The following AKAP6 variants were observed in gnomAD, a reference collection of about 807,000 sequenced individuals.
AKAP6 encodes A-kinase anchoring protein 6.
AKAP6 carries 58 observed loss-of-function variants against 188.5 expected under a neutral mutation model. The ratio of observed to expected loss-of-function variants is 0.31; its 90% CI spans 0.25 to 0.38. AKAP6 has a LOEUF of 0.38. Among genes scored for constraint, AKAP6 ranks in the 10% least tolerant of loss-of-function variants. AKAP6 has a pLI of 1.00. For synonymous variants in AKAP6, 989 were observed against 998.6 expected (o/e 0.99, Z 0.18); for missense variants, 2,710 against 2,740.0 (o/e 0.99, Z 0.24).
intron 4 of AKAP6, among the ~76,000 whole-genome samples, chr14:32,571,946 G>C (rs1294658431): frequency 6.6e-6 from 1 of 152,126 alleles, no homozygotes; most frequent in Non-Finnish European, 1.5e-5. Flanking sequence ...AAAAATAAAT[G>C]TGTTTCTTGT....
intron 5 of AKAP6, among the ~76,000 whole-genome samples, chr14:32,581,149 G>A (rs1406282980): frequency 3.9e-5 from 6 of 152,124 alleles, no homozygotes; most frequent in Non-Finnish European, 7.4e-5. Flanking sequence ...CAATGGTTGA[G>A]CTAGTTTACA....
intron 2 of AKAP6, among the ~76,000 whole-genome samples, chr14:32,464,526 C>T (rs936953534): frequency 2.0e-5 from 3 of 152,096 alleles, no homozygotes; most frequent in Middle Eastern, 3.2e-3. Context: ...GCAGAAAAGG[C>T]CTTTGATAAA....
At chr14:32,485,446 C>G (rs147609302) in intron 2 of AKAP6, among the ~76,000 whole-genome samples, 4,413 of 152,168 alleles carry the variant, frequency 0.029, 82 homozygotes, top group Non-Finnish European at 0.04. Flanking sequence ...AAAAGCATTC[C>G]TATTTCTCCA....
chr14:32,723,532 AAT>A (rs1222029974), intron 9 of AKAP6, among the ~76,000 whole-genome samples: 5 of 147,052 alleles, frequency 3.4e-5, no homozygotes, highest in Non-Finnish European at 7.4e-5. Context: ...GACTTCACAT[AAT>A]ATATATATGT....
chr14:32,454,411 A>G (rs1251632858), intron 2 of AKAP6, among the ~76,000 whole-genome samples: 2 of 152,170 alleles, frequency 1.3e-5, no homozygotes, highest in Admixed American at 6.5e-5. Flanking sequence ...GTCCTTCTAT[A>G]GCAAGGCTCG....
At chr14:32,662,795 G>T (rs1162039704) in intron 7 of AKAP6, among the ~76,000 whole-genome samples, 2 of 152,094 alleles carry the variant, frequency 1.3e-5, no homozygotes, top group Non-Finnish European at 2.9e-5. Context: ...AAGAGTTTTA[G>T]AATACATTGA....
intron 4 of AKAP6, among the ~76,000 whole-genome samples, chr14:32,565,308 GA>G (rs1170691182): frequency 6.6e-6 from 1 of 152,050 alleles, no homozygotes; most frequent in Non-Finnish European, 1.5e-5. Flanking sequence ...AATGCTTCAA[GA>G]AAAACTGGAA....
intron 9 of AKAP6, among the ~76,000 whole-genome samples, chr14:32,716,999 A>G (rs1177578662): frequency 6.6e-6 from 1 of 152,142 alleles, no homozygotes; most frequent in African/African-American, 2.4e-5. Context: ...AGTGGCAAAG[A>G]TAGCTTTGTC....
At chr14:32,443,832 T>A (rs898771709) in intron 2 of AKAP6, among the ~76,000 whole-genome samples, 2 of 152,176 alleles carry the variant, frequency 1.3e-5, no homozygotes, top group Non-Finnish European at 2.9e-5. Context: ...CATCTATGGT[T>A]TTTCGGGTTA....
chr14:32,754,288 A>G (rs1482695600), intron 11 of AKAP6, among the ~76,000 whole-genome samples: 1 of 152,056 alleles, frequency 6.6e-6, no homozygotes, highest in Non-Finnish European at 1.5e-5. Context: ...TTTTTGTCTG[A>G]TAAAAGTATA....
chr14:32,686,094 G>A (rs1308137383), intron 8 of AKAP6, among the ~76,000 whole-genome samples: 2 of 152,190 alleles, frequency 1.3e-5, no homozygotes, highest in Non-Finnish European at 2.9e-5. Flanking sequence ...ACATGATAGA[G>A]TACTATTCAG....
At chr14:32,517,910 T>C (rs952923638) in intron 2 of AKAP6, among the ~76,000 whole-genome samples, 1 of 152,232 alleles carries the variant, frequency 6.6e-6, no homozygotes, top group African/African-American at 2.4e-5. Context: ...AGTGGGTCCC[T>C]GACGCCCGAG....
chr14:32,562,115 G>A (rs1306225676), intron 4 of AKAP6, among the ~76,000 whole-genome samples: 2 of 152,016 alleles, frequency 1.3e-5, no homozygotes, highest in African/African-American at 2.4e-5. Context: ...AGGTTGATGA[G>A]GCTCAGTGCA....
intron 2 of AKAP6, among the ~76,000 whole-genome samples, chr14:32,469,346 T>A (rs1234651978): frequency 1.3e-5 from 2 of 152,038 alleles, no homozygotes; most frequent in African/African-American, 4.8e-5. Context: ...TTAAGAAGAA[T>A]TAAAAACAAG....
At chr14:32,677,893 T>C (rs1889501337) in intron 7 of AKAP6, among the ~76,000 whole-genome samples, 1 of 152,204 alleles carries the variant, frequency 6.6e-6, no homozygotes, top group South Asian at 2.1e-4. Flanking sequence ...TTATTCTCCA[T>C]AGGGAAAATA....
intron 3 of AKAP6, among the ~76,000 whole-genome samples, chr14:32,537,326 G>C (rs78648582): frequency 6.6e-6 from 1 of 152,140 alleles, no homozygotes; most frequent in Non-Finnish European, 1.5e-5. Flanking sequence ...TGTGAGTTGC[G>C]TGTTAGTTCC....
chr14:32,442,852 G>C (rs924842082), intron 2 of AKAP6, among the ~76,000 whole-genome samples: 5 of 152,084 alleles, frequency 3.3e-5, no homozygotes, highest in Admixed American at 2.0e-4. Context: ...AGGTACCTAT[G>C]CTGCTACCTT....
chr14:32,434,031 G>A, intron 2 of AKAP6: 1 of 531,954 alleles, frequency 1.9e-6, no homozygotes. Context: ...ACTGGCCTTT[G>A]GTGATAGTGC....
chr14:32,580,710 C>G (rs919114103), intron 5 of AKAP6, among the ~76,000 whole-genome samples: 1 of 152,044 alleles, frequency 6.6e-6, no homozygotes, highest in East Asian at 1.9e-4. Flanking sequence ...CCACTCCCCC[C>G]ACCCCACAAC....
Sources: allele counts gnomAD v4.1 joint callset (sites outside exome capture counted in the v4.1 genomes callset), GRCh38; gene constraint gnomAD v4.1.1; transcripts MANE v1.5; gene names NCBI Gene and HGNC (gene_info 2026-07-23, HGNC 2026-07-21).